AGO3: variants seen among roughly 807,000 people sequenced by gnomAD.
AGO3 encodes the protein argonaute RISC catalytic component 3, also known as protein argonaute-3.
A neutral mutation model predicts 105.5 loss-of-function variants in AGO3; 16 were observed. The ratio of observed to expected loss-of-function variants is 0.15; its 90% CI spans 0.10 to 0.23. The LOEUF (loss-of-function observed/expected upper bound fraction) is 0.23. Ranked by LOEUF, AGO3 falls within the 10% of genes least tolerant of loss-of-function variation. AGO3 has a pLI of 1.00. For synonymous variants in AGO3, 340 were observed against 367.3 expected (o/e 0.93, Z 0.85); for missense variants, 534 against 1,088.0 (o/e 0.49, Z 7.16).
At chr1:36,042,809 G>T (rs1642305684) in intron 16 of AGO3, among the ~76,000 whole-genome samples, 2 of 152,180 alleles carry the variant, frequency 1.3e-5, no homozygotes, top group African/African-American at 4.8e-5. Flanking sequence ...CTGATAGTAT[G>T]AAATAAAAGG....
intron 13 of AGO3, 60 bp downstream of exon 13, chr1:36,034,393 G>A (rs1453787662): frequency 2.6e-5 from 34 of 1,299,970 alleles, no homozygotes; most frequent in Middle Eastern, 5.6e-4. Context: ...GTCTATATAT[G>A]ACCATATCTA....
chr1:35,988,452 A>T (rs1348374249), intron 5 of AGO3, among the ~76,000 whole-genome samples: 1 of 152,134 alleles, frequency 6.6e-6, no homozygotes, highest in African/African-American at 2.4e-5. Flanking sequence ...CTCAGCCCTC[A>T]GCCCTGGGTA....
Position 35,967,418 on chromosome 1 carries a change from A to G in AGO3, c.312+343A>G, listed in dbSNP as rs540513410. ...ATTAATATTTATTTTATTTTATTTT[A>G]TTTTATTTTATTTTGAGACAGGGTC... is the stretch of plus-strand genomic sequence containing the variant. On this transcript the variant is annotated intron_variant, in intron 3 of 18. Transcript: ENST00000373191. Among the ~76,000 whole-genome samples the G allele has an allele frequency of 5.5e-3, 834 of 151,024 alleles. 5 individuals are homozygous for G. The highest frequency in any genetic ancestry group is 0.019 in the African/African-American group (790 of 41,140).
At chr1:35,979,615 C>T (rs1172660149) in intron 5 of AGO3, among the ~76,000 whole-genome samples, 1 of 151,990 alleles carries the variant, frequency 6.6e-6, no homozygotes, top group Non-Finnish European at 1.5e-5. Context: ...TAATATCTTT[C>T]TGTTTCTTCT....
At chr1:36,038,575 G>C (rs939622660) in intron 14 of AGO3, among the ~76,000 whole-genome samples, 1 of 151,898 alleles carries the variant, frequency 6.6e-6, no homozygotes, top group Non-Finnish European at 1.5e-5. Context: ...CTTAAGTAGC[G>C]AGATACCTTT....
At chr1:36,003,219 C>T (rs1177029879) in intron 5 of AGO3, among the ~76,000 whole-genome samples, 1 of 151,184 alleles carries the variant, frequency 6.6e-6, no homozygotes, top group Non-Finnish European at 1.5e-5. Flanking sequence ...TTGTTGTATC[C>T]CCAGTGCCTA....
At chr1:35,959,901 CAT>C (rs1422880639) in intron 2 of AGO3, among the ~76,000 whole-genome samples, 6 of 151,642 alleles carry the variant, frequency 4.0e-5, no homozygotes, top group African/African-American at 1.5e-4. Flanking sequence ...TATTATTATA[CAT>C]ATTTGTTTTT....
intron 5 of AGO3, among the ~76,000 whole-genome samples, chr1:35,981,379 A>ATG (rs1010731099): frequency 6.6e-6 from 1 of 152,146 alleles, no homozygotes; most frequent in African/African-American, 2.4e-5. Flanking sequence ...TTCTGTGCTC[A>ATG]AGGCCTCTCT....
chr1:35,941,784 G>A (rs530557515), intron 1 of AGO3, among the ~76,000 whole-genome samples: 98 of 152,310 alleles, frequency 6.4e-4, no homozygotes, highest in South Asian at 1.0e-3. Flanking sequence ...GTTGTTCTCA[G>A]GAGTTCAGGA....
Position 36,057,249 on chromosome 1 carries a change from G to A in AGO3, c.*1504G>A, listed in dbSNP as rs1432073539. 6.6e-6 allele frequency: 1 copy of A among 152,078 alleles called. No homozygotes were observed. Among genetic ancestry groups the A allele is most frequent in the Non-Finnish European group, 1.5e-5 (1 of 68,018 alleles). 9.4% of individuals were successfully genotyped at this position (152,078 alleles called of 1,614,324 possible). On this transcript the variant is annotated 3_prime_UTR_variant, in exon 19 of 19. Transcript: ENST00000373191. ...GTTGAGACCTCTGAAATTGAGTAGA[G>A]AGAAGAGTTTGTTGAGGGATTTTTT... is the stretch of plus-strand genomic sequence containing the variant.
At chr1:36,024,613 G>A (rs775861642) in intron 11 of AGO3, among the ~76,000 whole-genome samples, 72 of 152,154 alleles carry the variant, frequency 4.7e-4, no homozygotes, top group Admixed American at 4.6e-4. Flanking sequence ...ACCTCTATTT[G>A]TGACGAAAGC....
At chr1:35,995,014 C>G (rs1648143416) in intron 5 of AGO3, among the ~76,000 whole-genome samples, 1 of 151,656 alleles carries the variant, frequency 6.6e-6, no homozygotes, top group Non-Finnish European at 1.5e-5. Flanking sequence ...GCCTGGGCAA[C>G]ACGGTGAAAC....
intron 11 of AGO3, among the ~76,000 whole-genome samples, chr1:36,019,593 A>C (rs975558046): frequency 6.6e-6 from 1 of 152,194 alleles, no homozygotes; most frequent in Admixed American, 6.5e-5. Context: ...GAAAATATGC[A>C]CTGAAAATCA....
chr1:35,961,228 C>T (rs886412583), intron 2 of AGO3, among the ~76,000 whole-genome samples: 1 of 151,804 alleles, frequency 6.6e-6, no homozygotes, highest in Non-Finnish European at 1.5e-5. Flanking sequence ...TGGGATTACA[C>T]GTGTGAGCCA....
At chr1:36,002,220 C>A (rs2148806859) in intron 5 of AGO3, among the ~76,000 whole-genome samples, 1 of 151,832 alleles carries the variant, frequency 6.6e-6, no homozygotes, top group South Asian at 2.1e-4. Flanking sequence ...GGGGTTTCAC[C>A]ATGTTGGCCA....
At chr1:35,960,879 A>G (rs918047198) in intron 2 of AGO3, among the ~76,000 whole-genome samples, 4 of 151,992 alleles carry the variant, frequency 2.6e-5, no homozygotes, top group Non-Finnish European at 5.9e-5. Flanking sequence ...CATAAAAGTA[A>G]TATCTAATGC....
intron 14 of AGO3, among the ~76,000 whole-genome samples, chr1:36,038,496 T>C (rs555796583): frequency 3.1e-4 from 47 of 152,084 alleles, no homozygotes; most frequent in Admixed American, 7.9e-4. Flanking sequence ...ACCTTGTGAT[T>C]CGCCCACCTC....
intron 2 of AGO3, among the ~76,000 whole-genome samples, chr1:35,952,414 A>G (rs1429473393): frequency 2.0e-5 from 3 of 151,682 alleles, no homozygotes; most frequent in Non-Finnish European, 4.4e-5. Context: ...AAATGCTAGG[A>G]TTACAGGGGT....
chr1:35,972,428 G>A (rs1035597089), intron 4 of AGO3, among the ~76,000 whole-genome samples, 196 bp downstream of exon 4: 14 of 152,096 alleles, frequency 9.2e-5, no homozygotes, highest in African/African-American at 1.9e-4. Context: ...GTAACTATAC[G>A]TCATTAGCTT....
Sources: allele counts gnomAD v4.1 joint callset (sites outside exome capture counted in the v4.1 genomes callset), GRCh38; gene constraint gnomAD v4.1.1; transcripts MANE v1.5; gene names NCBI Gene and HGNC (gene_info 2026-07-23, HGNC 2026-07-21).